The following C6 variants were observed in gnomAD, a reference collection of about 807,000 sequenced individuals.
C6 encodes complement C6, also known as complement component C6.
A neutral mutation model predicts 112.9 loss-of-function variants in C6; 101 were observed. That is an observed-to-expected ratio of 0.89 (90% CI 0.76 to 1.06). The LOEUF (loss-of-function observed/expected upper bound fraction) is 1.06, where lower values mean the gene tolerates loss of function less well. Among genes scored for constraint, C6 ranks in the 50% least tolerant of loss-of-function variants. The pLI, the probability that C6 is intolerant of heterozygous loss-of-function variation, is 0.00. For synonymous variants in C6, 431 were observed against 384.1 expected (o/e 1.12, Z -1.43); for missense variants, 1,202 against 1,104.6 (o/e 1.09, Z -1.25).
intron 1 of C6, among the ~76,000 whole-genome samples, chr5:41,212,511 T>C (rs1752012365): frequency 6.6e-6 from 1 of 152,234 alleles, no homozygotes; most frequent in Admixed American, 6.5e-5. Flanking sequence ...TTTGTTATGA[T>C]GGCCTAGCAT....
chr5:41,244,242 C>A (rs61323141), intron 1 of C6, among the ~76,000 whole-genome samples: 1 of 152,120 alleles, frequency 6.6e-6, no homozygotes, highest in Non-Finnish European at 1.5e-5. Flanking sequence ...CTTTTTATTA[C>A]GTTTTCTTTC....
At chr5:41,234,656 T>G (rs777960272) in intron 1 of C6, among the ~76,000 whole-genome samples, 1 of 152,098 alleles carries the variant, frequency 6.6e-6, no homozygotes, top group Non-Finnish European at 1.5e-5. Context: ...CTCTGCACAG[T>G]TTGGGAAAAC....
intron 1 of C6, among the ~76,000 whole-genome samples, chr5:41,222,330 A>T (rs1448871336): frequency 6.6e-6 from 1 of 152,044 alleles, no homozygotes; most frequent in Non-Finnish European, 1.5e-5. Context: ...ATGCAGTTAC[A>T]AAGTTGTTAT....
intron 1 of C6, among the ~76,000 whole-genome samples, chr5:41,251,490 C>A (rs1250942838): frequency 1.3e-5 from 2 of 152,122 alleles, no homozygotes; most frequent in African/African-American, 4.8e-5. Flanking sequence ...TGCCACCAAC[C>A]CTGTAGTCAT....
intron 17 of C6, among the ~76,000 whole-genome samples, chr5:41,148,369 C>T (rs1034290160): frequency 1.8e-4 from 27 of 152,200 alleles, no homozygotes; most frequent in African/African-American, 4.8e-4. Context: ...GAGTATGCTC[C>T]GATTTTATAT....
chr5:41,160,406 C>A (rs1458173565), intron 10 of C6, 39 bp from the exon 11 acceptor site: 1 of 1,516,786 alleles, frequency 6.6e-7, no homozygotes, highest in Non-Finnish European at 9.2e-7. Context: ...AGTCACATCC[C>A]CTTTGGTAAT....
At chr5:41,166,874 T>C (rs1748023689) in intron 9 of C6, among the ~76,000 whole-genome samples, 1 of 152,158 alleles carries the variant, frequency 6.6e-6, no homozygotes, top group South Asian at 2.1e-4. Context: ...ATTACATCTT[T>C]AGCATATTTA....
intron 1 of C6, among the ~76,000 whole-genome samples, chr5:41,225,236 C>T (rs1281002882): frequency 6.6e-6 from 1 of 152,102 alleles, no homozygotes; most frequent in East Asian, 1.9e-4. Context: ...CCACAACAGG[C>T]CCCAGTGTGT....
intron 1 of C6, chr5:41,212,919 A>G (rs1367041042): frequency 6.6e-6 from 1 of 152,172 alleles, no homozygotes. Flanking sequence ...TACCCAACAG[A>G]TTTCTGAGGA....
chr5:41,172,506 C>T (rs1307290252), intron 8 of C6, 159 bp from the exon 9 acceptor site: 1 of 726,022 alleles, frequency 1.4e-6, no homozygotes, highest in East Asian at 2.7e-5. Flanking sequence ...GTTAGTTTTA[C>T]CTATAGATTC....
In C6 at chr5:41,161,555, T is replaced by C. The variant is rs1173024430; in HGVS notation, c.1458+138A>G. The C allele has an allele frequency of 4.0e-6, 3 of 748,840 alleles. No individual in the cohort carries two copies. In the East Asian group the frequency reaches 7.8e-5, roughly 20 times the overall value. The allele number at this position is 748,840 out of a possible 1,614,324, so 46.4% of individuals were successfully genotyped here. A position where few individuals can be genotyped will look rare whatever the true frequency, so the allele number is the denominator to read the frequency against. On this transcript the variant is annotated intron_variant, in intron 10 of 17. Transcript: ENST00000337836. ...ATGCAATTTAACATTTAAAAAAAGG[T>C]ACATTGTGCATGAATACTAAAGAAA... is the stretch of plus-strand genomic sequence containing the variant.
chr5:41,159,358 T>C, intron 11 of C6, 105 bp from the exon 12 acceptor site: 1 of 1,501,476 alleles, frequency 6.7e-7, no homozygotes, highest in Non-Finnish European at 9.0e-7. Context: ...GTAACTTCCT[T>C]TGTGGGATAT....
chr5:41,178,279 G>A (rs554921524), intron 7 of C6, among the ~76,000 whole-genome samples: 20 of 151,842 alleles, frequency 1.3e-4, no homozygotes, highest in Non-Finnish European at 1.9e-4. Flanking sequence ...TGAGTTATCT[G>A]GTATTTTGCT....
intron 1 of C6, among the ~76,000 whole-genome samples, chr5:41,251,346 CAT>C (rs140781245): frequency 6.7e-5 from 10 of 150,050 alleles, no homozygotes; most frequent in Middle Eastern, 3.5e-3. Context: ...ATCCCAGAAC[CAT>C]ATATATATAT....
At chr5:41,245,888 A>G (rs1042581413) in intron 1 of C6, among the ~76,000 whole-genome samples, 1 of 152,154 alleles carries the variant, frequency 6.6e-6, no homozygotes, top group Non-Finnish European at 1.5e-5. Flanking sequence ...ATGTTGACCT[A>G]TGATTTTCCT....
chr5:41,175,186 G>A (rs558798446), intron 8 of C6, among the ~76,000 whole-genome samples: 1 of 152,210 alleles, frequency 6.6e-6, no homozygotes, highest in East Asian at 1.9e-4. Flanking sequence ...AGGGAGGAAG[G>A]GGACACCCAT....
At chr5:41,168,259 A>T (rs1170680637) in intron 9 of C6, among the ~76,000 whole-genome samples, 1 of 152,198 alleles carries the variant, frequency 6.6e-6, no homozygotes, top group Non-Finnish European at 1.5e-5. Flanking sequence ...GGTCCTGAAG[A>T]CAAAGCACTA....
At chr5:41,248,175 G>A (rs1377166594) in intron 1 of C6, among the ~76,000 whole-genome samples, 2 of 152,068 alleles carry the variant, frequency 1.3e-5, no homozygotes, top group African/African-American at 2.4e-5. Context: ...ATTAACTCAA[G>A]TTAGCTTAAA....
At position 41,154,069 on chromosome 5, in the gene C6, C is replaced by T. The variant is rs1490987150; in HGVS notation, c.2102-71G>A. The T allele has an allele frequency of 3.7e-6, 5 of 1,355,048 alleles. No homozygotes were observed. In the East Asian group the frequency reaches 9.4e-5, roughly 25 times the overall value. 83.9% of individuals were successfully genotyped at this position (1,355,048 alleles called of 1,614,324 possible). A position where few individuals can be genotyped will look rare whatever the true frequency, so the allele number is the denominator to read the frequency against. On this transcript the variant is annotated intron_variant, in intron 14 of 17. Transcript: ENST00000337836. ...ACAAAAAATTTAGGCAAATTTTGTG[C>T]AACCAAAGAGGTGATTTTGATGAGA...
Sources: gnomAD v4.1 joint callset for allele counts (sites outside exome capture counted in the v4.1 genomes callset) on GRCh38, gnomAD v4.1.1 for gene constraint, MANE v1.5 for transcripts, NCBI Gene and HGNC (gene_info 2026-07-23, HGNC 2026-07-21) for gene names.